KCNQ1: variants seen among roughly 807,000 people sequenced by gnomAD.
KCNQ1 encodes potassium voltage-gated channel subfamily Q member 1, also known as potassium voltage-gated channel subfamily KQT member 1.
In KCNQ1, 49 loss-of-function variants were observed where a neutral mutation model predicts 72.4. The observed-to-expected ratio is 0.68, with a 90% CI of 0.54 to 0.86. The LOEUF is 0.86. KCNQ1 is among the 40% of genes least tolerant of loss of function. KCNQ1 has a pLI of 0.00. For synonymous variants in KCNQ1, 450 were observed against 412.6 expected (o/e 1.09, Z -1.10); for missense variants, 790 against 945.1 (o/e 0.84, Z 2.15).
In KCNQ1 at chr11:2,468,461, C is replaced by T. The variant is rs866187956; in HGVS notation, c.386+22977C>T. On this transcript the variant is annotated intron_variant, in intron 1 of 15. Coordinates refer to ENST00000155840, the MANE Select transcript of KCNQ1 (RefSeq NM_000218.3). This position sits in a 1 kb window ranked among gnomAD's most constrained non-coding sequence, Gnocchi z 5.7. ...TTTTTTCTAAGTAGCTTTACGGAGG[C>T]GTGCTTGGCATACGGTAAACTGCCC... is the stretch of plus-strand genomic sequence containing the variant. Among the ~76,000 whole-genome samples the T allele has an allele frequency of 2.6e-5, 4 of 152,074 alleles. No homozygotes were observed. Among genetic ancestry groups the T allele is most frequent in the African/African-American group, 7.2e-5 (3 of 41,412 alleles).
chr11:2,667,649 G>C (rs909874982), intron 11 of KCNQ1: 2 of 398,638 alleles, frequency 5.0e-6, no homozygotes, highest in Non-Finnish European at 8.8e-6. Context: ...ACCTGAAAGG[G>C]GAGATTGAAC....
In KCNQ1 at chr11:2,627,701, T is replaced by A. The variant is rs774112666; in HGVS notation, c.1394-34260T>A. 2.5e-6 allele frequency: 1 copy of A among 398,580 alleles called. No homozygotes were observed. Among genetic ancestry groups the A allele is most frequent in the East Asian group, 3.6e-5 (1 of 28,080 alleles). The allele number at this position is 398,580 out of a possible 1,614,324, so 24.7% of individuals were successfully genotyped here. On this transcript the variant is annotated intron_variant, in intron 10 of 15. Coordinates refer to ENST00000155840, the MANE Select transcript of KCNQ1 (RefSeq NM_000218.3). The surrounding 1 kb of genome is among the most constrained non-coding windows in gnomAD (Gnocchi z 4.9). ...GTGTGTGTGTGTGTCTGTATGTATA[T>A]GTATGTGATGTGTTTATTTGGGAAT... is the stretch of plus-strand genomic sequence containing the variant.
rs964705444 is a variant in KCNQ1 at position 2,488,127 on chromosome 11, G to A, written c.387-39801G>A. Among the ~76,000 whole-genome samples, 37 of 152,144 alleles carry A rather than the reference G, an allele frequency of 2.4e-4. No individual in the cohort carries two copies. Among genetic ancestry groups the A allele is most frequent in the African/African-American group, 8.9e-4 (37 of 41,438 alleles). On this transcript the variant is annotated intron_variant, in intron 1 of 15. Transcript: ENST00000155840. The surrounding 1 kb of genome is among the most constrained non-coding windows in gnomAD (Gnocchi z 5.1). ...ATCAATTGAGATCATGTGATCATGT[G>A]AGTGTTATTTCTTCATTCTGTTAAT...
intron 1 of KCNQ1, among the ~76,000 whole-genome samples, chr11:2,455,146 G>A (rs929568738): frequency 6.0e-5 from 9 of 150,730 alleles, no homozygotes; most frequent in African/African-American, 2.2e-4. Context: ...CACCCAGGCT[G>A]GAGTGCAGTG....
intron 11 of KCNQ1, among the ~76,000 whole-genome samples, chr11:2,730,481 TC>T (rs1191135626): frequency 6.6e-6 from 1 of 152,204 alleles, no homozygotes; most frequent in Non-Finnish European, 1.5e-5. Flanking sequence ...TCTGCTTCTG[TC>T]CTGCGCTCTT....
rs190728714 is a variant in KCNQ1 at position 2,791,854 on chromosome 11, G to C, written c.1794+13817G>C. Among the ~76,000 whole-genome samples the C allele has an allele frequency of 6.2e-3, 937 of 152,336 alleles. 4 individuals are homozygous for C. The highest frequency in any genetic ancestry group is 0.011 in the Non-Finnish European group (724 of 68,016). Reference sequence around the variant, plus strand: ...TCCGAGCCCGCAGGTGGGGGCTTCCGCCTCACTTTGGACGGTGGCGTCCAC... The same window carrying C: ...TCCGAGCCCGCAGGTGGGGGCTTCCCCCTCACTTTGGACGGTGGCGTCCAC... On this transcript the variant is annotated intron_variant, in intron 15 of 15. Coordinates refer to ENST00000155840, the MANE Select transcript of KCNQ1 (RefSeq NM_000218.3).
chr11:2,643,648 A>G (rs529963151), intron 10 of KCNQ1: 2 of 398,458 alleles, frequency 5.0e-6, no homozygotes, highest in Non-Finnish European at 4.4e-6. Flanking sequence ...ATTTATATGC[A>G]AGGTTATTGT....
In KCNQ1 at chr11:2,630,996, C is replaced by T. The variant is rs116236326; in HGVS notation, c.1394-30965C>T. ...GATGTAAGAACTTTATTTATCTTGC[C>T]GCTTTCAAAATTATCTTGTCTTCCA... is the stretch of plus-strand genomic sequence containing the variant. On this transcript the variant is annotated intron_variant, in intron 10 of 15. Coordinates refer to ENST00000155840, the MANE Select transcript of KCNQ1 (RefSeq NM_000218.3). 6.4e-4 allele frequency: 254 copies of T among 398,418 alleles called. 2 individuals are homozygous for T. The highest frequency in any genetic ancestry group is 4.4e-3 in the African/African-American group (212 of 48,726). The allele number at this position is 398,418 out of a possible 1,614,324, so 24.7% of individuals were successfully genotyped here. A position where few individuals can be genotyped will look rare whatever the true frequency, so the allele number is the denominator to read the frequency against.
intron 15 of KCNQ1, 53 bp from the exon 16 acceptor site, chr11:2,847,714 C>T: frequency 6.6e-7 from 1 of 1,519,110 alleles, no homozygotes; most frequent in South Asian, 1.2e-5. Context: ...AGGCTGTCTG[C>T]ACACCTGGGT....
In KCNQ1 at chr11:2,678,677, T is replaced by A. The variant is rs947643981; in HGVS notation, c.1514+16596T>A. On this transcript the variant is annotated intron_variant, in intron 11 of 15. Coordinates refer to ENST00000155840, the MANE Select transcript of KCNQ1 (RefSeq NM_000218.3). The surrounding 1 kb of genome is among the most constrained non-coding windows in gnomAD (Gnocchi z 4.9). ...AAATGCAGTCAACCAGGGGAATTCA[T>A]GGCATGGCCTAAGATCTAAACACTC... The A allele has an allele frequency of 2.5e-6, 1 of 398,550 alleles. No homozygotes were observed. Among genetic ancestry groups the A allele is most frequent in the Admixed American group, 4.4e-5 (1 of 22,724 alleles). 24.7% of individuals were successfully genotyped at this position (398,550 alleles called of 1,614,324 possible).
At position 2,665,151 on chromosome 11, in the gene KCNQ1, AC is replaced by A. The variant is rs1405647895; in HGVS notation, c.1514+3073del. On this transcript the variant is annotated intron_variant, in intron 11 of 15. Transcript: ENST00000155840. ...GTGGGCCCTACTGCTCAGCCTCAGGACCCTCAACCAGCTCTGGGCGGCCAGG... is the reference window on the plus strand; with the variant it reads ...GTGGGCCCTACTGCTCAGCCTCAGGACCTCAACCAGCTCTGGGCGGCCAGG... 4.5e-5 allele frequency: 18 copies of A among 398,482 alleles called. No homozygotes were observed. The East Asian group carries it at 5.7e-4, about 13-fold the overall frequency. The allele number at this position is 398,482 out of a possible 1,614,324, so 24.7% of individuals were successfully genotyped here.
chr11:2,722,305 C>G (rs137877286), intron 11 of KCNQ1, among the ~76,000 whole-genome samples: 2 of 152,034 alleles, frequency 1.3e-5, no homozygotes, highest in East Asian at 3.9e-4. Flanking sequence ...GAGGCCAGGG[C>G]GGGCCTCGGG....
At chr11:2,791,225 G>C (rs537168751) in intron 15 of KCNQ1, among the ~76,000 whole-genome samples, 2 of 152,228 alleles carry the variant, frequency 1.3e-5, no homozygotes, top group African/African-American at 2.4e-5. Flanking sequence ...GACGGTGGCC[G>C]GAGCCCGCAG....
intron 11 of KCNQ1, among the ~76,000 whole-genome samples, chr11:2,749,641 CAAAAAAAAAA>C (rs35701102): frequency 1.1e-5 from 1 of 87,124 alleles, no homozygotes; most frequent in East Asian, 3.7e-4. Context: ...ACTAAAAATA[CAAAAAAAAAA>C]AAAAAAAAAA....
intron 1 of KCNQ1, among the ~76,000 whole-genome samples, chr11:2,499,527 C>CCCT (rs1846975354): frequency 2.3e-5 from 3 of 132,056 alleles, no homozygotes; most frequent in African/African-American, 8.3e-5. Context: ...TGGACCCCTG[C>CCCT]CCCCACAAAA....
intron 2 of KCNQ1, among the ~76,000 whole-genome samples, chr11:2,554,098 G>T (rs180719543): frequency 1.4e-3 from 215 of 152,264 alleles, no homozygotes; most frequent in Non-Finnish European, 2.5e-3. Flanking sequence ...GCTCACGAGG[G>T]CGTCACCTGC....
intron 1 of KCNQ1, among the ~76,000 whole-genome samples, chr11:2,453,765 A>G (rs1339350093): frequency 2.5e-4 from 38 of 152,234 alleles, no homozygotes; most frequent in Admixed American, 2.5e-3. Flanking sequence ...ACCTGAAGGC[A>G]CTGGCAAAGG....
At chr11:2,456,822 C>T (rs1254506058) in intron 1 of KCNQ1, among the ~76,000 whole-genome samples, 5 of 147,510 alleles carry the variant, frequency 3.4e-5, no homozygotes, top group African/African-American at 1.3e-4. Flanking sequence ...GCCTGTAGTC[C>T]CAGCTACTCG....
chr11:2,561,642 C>A (rs1848168980), intron 2 of KCNQ1, among the ~76,000 whole-genome samples: 1 of 152,254 alleles, frequency 6.6e-6, no homozygotes. Context: ...CTCACACCAG[C>A]CTGCTCCTGC....
Sources: allele counts gnomAD v4.1 joint callset (sites outside exome capture counted in the v4.1 genomes callset), GRCh38; gene constraint gnomAD v4.1.1; non-coding constraint Gnocchi (gnomAD v3.1); transcripts MANE v1.5; gene names NCBI Gene and HGNC (gene_info 2026-07-23, HGNC 2026-07-21).